The following KLF12 variants were observed in gnomAD, a reference collection of about 807,000 sequenced individuals.
KLF12 encodes KLF transcription factor 12, also known as Krueppel-like factor 12.
In KLF12, 9 loss-of-function variants were observed where a neutral mutation model predicts 37.8. The ratio of observed to expected loss-of-function variants is 0.24; its 90% CI spans 0.14 to 0.42. KLF12 has a LOEUF of 0.42. Among genes scored for constraint, KLF12 ranks in the 10% least tolerant of loss-of-function variants. The pLI is 1.00. For missense variants in KLF12, 411 were observed against 516.0 expected (o/e 0.80, Z 1.97); for synonymous variants, 208 against 202.1 (o/e 1.03, Z -0.25).
intron 5 of KLF12, among the ~76,000 whole-genome samples, chr13:73,805,234 A>AT (rs1220574984): frequency 2.0e-5 from 3 of 151,962 alleles, no homozygotes; most frequent in Admixed American, 6.6e-5. Flanking sequence ...TAACAGCTGA[A>AT]TTTTTTTTAT....
At chr13:74,084,269 C>T (rs1485900243) in intron 1 of KLF12, among the ~76,000 whole-genome samples, 2 of 152,120 alleles carry the variant, frequency 1.3e-5, no homozygotes, top group Non-Finnish European at 2.9e-5. Context: ...CCAACTTTCT[C>T]CATTTCAGAA....
the KLF12 span, among the ~76,000 whole-genome samples, chr13:74,298,828 G>A: frequency 6.6e-6 from 1 of 152,186 alleles, no homozygotes; most frequent in African/African-American, 2.4e-5. Flanking sequence ...AAGGGAAGAA[G>A]TTGGCTTGTT....
intron 7 of KLF12, among the ~76,000 whole-genome samples, chr13:73,706,563 C>G (rs1874961207): frequency 6.6e-6 from 1 of 152,180 alleles, no homozygotes; most frequent in African/African-American, 2.4e-5. Flanking sequence ...AAGTGCTACA[C>G]CTGCAAAACA....
chr13:74,013,726 T>C (rs1278288635), intron 1 of KLF12, among the ~76,000 whole-genome samples: 1 of 152,152 alleles, frequency 6.6e-6, no homozygotes, highest in East Asian at 1.9e-4. Context: ...TCTATTTTAC[T>C]TGTAGGGTTT....
intron 2 of KLF12, among the ~76,000 whole-genome samples, chr13:73,989,366 A>G (rs1891904709): frequency 6.6e-6 from 1 of 152,232 alleles, no homozygotes; most frequent in South Asian, 2.1e-4. Flanking sequence ...AGACCTATTC[A>G]ATGACCCTTT....
At chr13:74,088,025 G>A (rs1222932090) in intron 1 of KLF12, among the ~76,000 whole-genome samples, 1 of 152,052 alleles carries the variant, frequency 6.6e-6, no homozygotes, top group Non-Finnish European at 1.5e-5. Flanking sequence ...TCACAGGGAC[G>A]AGTGATTGGA....
At chr13:74,082,113 A>G (rs1874932466) in intron 1 of KLF12, among the ~76,000 whole-genome samples, 1 of 149,034 alleles carries the variant, frequency 6.7e-6, no homozygotes, top group Non-Finnish European at 1.5e-5. Flanking sequence ...GGACTGCTCG[A>G]GCCCAGGAAT....
the KLF12 span, among the ~76,000 whole-genome samples, chr13:74,172,778 G>C: frequency 1.6e-4 from 24 of 152,300 alleles, no homozygotes; most frequent in Non-Finnish European, 3.1e-4. Context: ...GTCAAGAAGA[G>C]CATGGGCGAC....
chr13:73,689,886 T>C lies in KLF12; in HGVS notation c.*5604A>G, dbSNP rs1188887848. On this transcript the variant is annotated 3_prime_UTR_variant, in exon 8 of 8. Transcript: ENST00000377669. ...TTTTTGAATCATACATACTGTTTCA[T>C]AAGTTTGGGGCAAATGACAGTCAAC... 1 of 152,238 alleles carries C rather than the reference T, an allele frequency of 6.6e-6. No homozygotes were observed. The highest frequency in any genetic ancestry group is 1.9e-4 in the East Asian group (1 of 5,202). The allele number at this position is 152,238 out of a possible 1,614,324, so 9.4% of individuals were successfully genotyped here.
chr13:74,291,226 G>A, the KLF12 span, among the ~76,000 whole-genome samples: 35 of 152,220 alleles, frequency 2.3e-4, no homozygotes, highest in Non-Finnish European at 4.6e-4. Context: ...CTTTTCTGAG[G>A]AAATGCCTAT....
intron 1 of KLF12, among the ~76,000 whole-genome samples, chr13:74,068,297 T>A (rs1308615570): frequency 6.6e-6 from 1 of 152,214 alleles, no homozygotes; most frequent in Admixed American, 6.5e-5. Context: ...AACAATTTTT[T>A]AAAACAATTT....
chr13:74,140,733 AACTG>A, the KLF12 span, among the ~76,000 whole-genome samples: 1 of 152,000 alleles, frequency 6.6e-6, no homozygotes, highest in South Asian at 2.1e-4. Flanking sequence ...AATCATGAGA[AACTG>A]ATATCAAATT....
the KLF12 span, among the ~76,000 whole-genome samples, chr13:74,249,498 C>G: frequency 6.6e-6 from 1 of 152,022 alleles, no homozygotes; most frequent in African/African-American, 2.4e-5. Flanking sequence ...CTCAGGGATT[C>G]TCACAAACAT....
At chr13:73,730,421 TC>T (rs1299335553) in intron 6 of KLF12, among the ~76,000 whole-genome samples, 1 of 152,162 alleles carries the variant, frequency 6.6e-6, no homozygotes, top group Non-Finnish European at 1.5e-5. Flanking sequence ...AGGGCTCAGC[TC>T]ATAGTTTACC....
At chr13:74,241,905 T>A in the KLF12 span, among the ~76,000 whole-genome samples, 1 of 152,208 alleles carries the variant, frequency 6.6e-6, no homozygotes, top group Non-Finnish European at 1.5e-5. Flanking sequence ...CACCGTCTTC[T>A]GCGTCGCTCA....
chr13:74,180,781 A>T, the KLF12 span, among the ~76,000 whole-genome samples: 2 of 152,000 alleles, frequency 1.3e-5, no homozygotes, highest in African/African-American at 4.8e-5. Context: ...ATAAAAATTT[A>T]AAATGTAAAT....
chr13:74,180,835 T>C, the KLF12 span, among the ~76,000 whole-genome samples: 13 of 152,270 alleles, frequency 8.5e-5, no homozygotes, highest in African/African-American at 2.6e-4. Context: ...GTTGCTTTTT[T>C]CCCCATTAAA....
chr13:73,917,995 C>G (rs923629826), intron 3 of KLF12, among the ~76,000 whole-genome samples: 1 of 152,090 alleles, frequency 6.6e-6, no homozygotes, highest in Middle Eastern at 3.4e-3. Context: ...AAAGCTTAGT[C>G]TAGCTAAGGG....
intron 1 of KLF12, among the ~76,000 whole-genome samples, chr13:74,116,479 G>A (rs900089134): frequency 9.2e-5 from 14 of 152,176 alleles, no homozygotes; most frequent in Non-Finnish European, 2.1e-4. Context: ...AAATTTAAGT[G>A]TTTAAAGCCT....
Sources: gnomAD v4.1 joint callset for allele counts (sites outside exome capture counted in the v4.1 genomes callset) on GRCh38, gnomAD v4.1.1 for gene constraint, MANE v1.5 for transcripts, NCBI Gene and HGNC (gene_info 2026-07-23, HGNC 2026-07-21) for gene names.